The following DACH1 variants were observed in gnomAD, a reference collection of about 807,000 sequenced individuals.
The protein encoded by DACH1 is dachshund homolog 1.
DACH1 carries 12 observed loss-of-function variants against 54.2 expected under a neutral mutation model. The ratio of observed to expected loss-of-function variants is 0.22; its 90% CI spans 0.14 to 0.36. The LOEUF is 0.36. Ranked by LOEUF, DACH1 falls within the 10% of genes least tolerant of loss-of-function variation. The pLI is 1.00. For missense variants in DACH1, 805 were observed against 929.8 expected (o/e 0.87, Z 1.75); for synonymous variants, 386 against 366.2 (o/e 1.05, Z -0.62).
At chr13:71,860,626 T>C (rs1351665933) in intron 1 of DACH1, among the ~76,000 whole-genome samples, 1 of 151,916 alleles carries the variant, frequency 6.6e-6, no homozygotes, top group East Asian at 1.9e-4. Context: ...TCAAATTAAT[T>C]TCTTCAGACA....
intron 3 of DACH1, among the ~76,000 whole-genome samples, chr13:71,614,963 A>AAGAT (rs1342270479): frequency 6.6e-6 from 1 of 151,912 alleles, no homozygotes; most frequent in Non-Finnish European, 1.5e-5. Context: ...AAGTCTTCTG[A>AAGAT]AGATAACGTA....
At chr13:71,505,240 G>T (rs1453757212) in intron 6 of DACH1, among the ~76,000 whole-genome samples, 1 of 151,936 alleles carries the variant, frequency 6.6e-6, no homozygotes, top group Non-Finnish European at 1.5e-5. Context: ...GTGCCACCAC[G>T]CCCGGCTACT....
chr13:71,541,948 T>G (rs986355308), intron 6 of DACH1, among the ~76,000 whole-genome samples: 1 of 137,364 alleles, frequency 7.3e-6, no homozygotes, highest in East Asian at 2.0e-4. Flanking sequence ...TTTTTTTTTT[T>G]CATCTTCACA....
intron 2 of DACH1, among the ~76,000 whole-genome samples, chr13:71,640,983 TG>T (rs772360665): frequency 5.9e-5 from 9 of 152,048 alleles, no homozygotes; most frequent in Non-Finnish European, 1.0e-4. Flanking sequence ...ATGTCTCAGT[TG>T]TTTTTTTCTT....
At chr13:71,714,581 C>T (rs750618503) in intron 1 of DACH1, among the ~76,000 whole-genome samples, 35 of 151,138 alleles carry the variant, frequency 2.3e-4, no homozygotes, top group Middle Eastern at 6.9e-3. Flanking sequence ...AATGGGAGGA[C>T]GAAACAAAAA....
intron 1 of DACH1, among the ~76,000 whole-genome samples, chr13:71,735,054 G>A (rs190866426): frequency 5.3e-4 from 79 of 149,444 alleles, no homozygotes; most frequent in African/African-American, 1.6e-3. Flanking sequence ...ATACGTATAT[G>A]GGTGATACAT....
At chr13:71,818,682 A>C (rs1888061154) in intron 1 of DACH1, among the ~76,000 whole-genome samples, 1 of 152,158 alleles carries the variant, frequency 6.6e-6, no homozygotes, top group Non-Finnish European at 1.5e-5. Context: ...GCTAATATTC[A>C]CCACTAAATT....
At chr13:71,608,357 T>C (rs1189730745) in intron 3 of DACH1, among the ~76,000 whole-genome samples, 9 of 151,952 alleles carry the variant, frequency 5.9e-5, no homozygotes, top group Non-Finnish European at 1.3e-4. Flanking sequence ...ATGTACCCAT[T>C]ACAAAAGAGA....
rs1195408111 is a variant in DACH1 at position 71,866,508 on chromosome 13, T to TGCCGCCGCC, written c.253_261dup (p.Gly85_Gly87dup). 2.5e-6 allele frequency: 3 copies of TGCCGCCGCC among 1,213,476 alleles called. No homozygotes were observed. The South Asian group carries it at 1.1e-4, about 46-fold the overall frequency. 75.2% of individuals were successfully genotyped at this position (1,213,476 alleles called of 1,614,324 possible). ...CCACCGCCGCCTCCGTTGCCGCTGC[T>TGCCGCCGCC]GCCGCCGCCGCCTCCGCTGCCGCCG... On this transcript the variant is annotated inframe_insertion, in exon 1 of 11. Coordinates refer to ENST00000613252, the MANE Select transcript of DACH1 (RefSeq NM_080759.6).
At chr13:71,829,215 T>C (rs1282333815) in intron 1 of DACH1, among the ~76,000 whole-genome samples, 1 of 151,962 alleles carries the variant, frequency 6.6e-6, no homozygotes, top group Non-Finnish European at 1.5e-5. Flanking sequence ...TCACATAAGA[T>C]AAATATGTAT....
At chr13:71,488,287 T>A (rs923731628) in intron 7 of DACH1, among the ~76,000 whole-genome samples, 2 of 152,198 alleles carry the variant, frequency 1.3e-5, no homozygotes, top group Non-Finnish European at 2.9e-5. Flanking sequence ...AAAATCTCCA[T>A]CTGGGGTCCA....
intron 7 of DACH1, among the ~76,000 whole-genome samples, chr13:71,487,453 G>A (rs949044094): frequency 1.3e-5 from 2 of 151,154 alleles, no homozygotes; most frequent in South Asian, 2.1e-4. Context: ...ATTATAGTTC[G>A]AGGTGATGTG....
intron 1 of DACH1, among the ~76,000 whole-genome samples, chr13:71,727,409 A>G (rs941241515): frequency 2.6e-5 from 4 of 152,064 alleles, no homozygotes; most frequent in African/African-American, 9.7e-5. Context: ...AGATACACCA[A>G]CAGCCCTGGT....
At chr13:71,514,163 T>A (rs918479318) in intron 6 of DACH1, among the ~76,000 whole-genome samples, 5 of 152,012 alleles carry the variant, frequency 3.3e-5, no homozygotes, top group African/African-American at 1.2e-4. Flanking sequence ...ATTGACAGAA[T>A]ACTGTTTAAT....
Position 71,606,602 on chromosome 13 carries a change from T to C in DACH1, c.1126+23954A>G, listed in dbSNP as rs1361492032. Among the ~76,000 whole-genome samples the C allele has an allele frequency of 2.6e-5, 4 of 152,116 alleles. No individual in the cohort carries two copies. In the South Asian group the frequency reaches 6.2e-4, roughly 24 times the overall value. ...TTTTCCACTTCATCAGAAAGCACTT[T>C]TCTCTTGTATGCAAACAGTTAATGA... On this transcript the variant is annotated intron_variant, in intron 3 of 10. Coordinates refer to ENST00000613252, the MANE Select transcript of DACH1 (RefSeq NM_080759.6).
chr13:71,709,838 AC>A (rs1295839859), intron 1 of DACH1, among the ~76,000 whole-genome samples: 2 of 152,196 alleles, frequency 1.3e-5, no homozygotes, highest in East Asian at 3.9e-4. Context: ...ATAAATAAAT[AC>A]ACCCACACAC....
Position 71,866,704 on chromosome 13 carries a change from C to T in DACH1, c.66G>A (p.Thr22=), listed in dbSNP as rs376767031. 2.1e-5 allele frequency: 31 copies of T among 1,452,450 alleles called. No individual in the cohort carries two copies. Among genetic ancestry groups the T allele is most frequent in the Non-Finnish European group, 2.6e-5 (29 of 1,095,696 alleles). 90.0% of individuals were successfully genotyped at this position (1,452,450 alleles called of 1,614,324 possible). A position where few individuals can be genotyped will look rare whatever the true frequency, so the allele number is the denominator to read the frequency against. ...TGGTGGTGCCAGAGGAGGAAGCAGA[C>T]GTGGAGATTGGGGGTTGAGGGGGGA... is the stretch of plus-strand genomic sequence containing the variant. ...QLVPPQPPIS[T]SASSSGTTTS... Residue 22 remains threonine (T), a synonymous_variant, in exon 1 of 11, where the codon ACG becomes ACA. Coordinates refer to ENST00000613252, the MANE Select transcript of DACH1 (RefSeq NM_080759.6).
At chr13:71,471,134 T>G (rs1484877015) in intron 10 of DACH1, among the ~76,000 whole-genome samples, 1 of 151,872 alleles carries the variant, frequency 6.6e-6, no homozygotes, top group African/African-American at 2.4e-5. Context: ...AACAAAAACT[T>G]CCAGTATGAT....
chr13:71,514,410 A>G (rs1166327473), intron 6 of DACH1, among the ~76,000 whole-genome samples: 1 of 151,884 alleles, frequency 6.6e-6, no homozygotes, highest in East Asian at 1.9e-4. Context: ...GTTAGTAAGG[A>G]TTTATATAAA....
Sources: allele counts gnomAD v4.1 joint callset (sites outside exome capture counted in the v4.1 genomes callset), GRCh38; gene constraint gnomAD v4.1.1; transcripts MANE v1.5; gene names NCBI Gene and HGNC (gene_info 2026-07-23, HGNC 2026-07-21).